The following LHFPL3 variants were observed in gnomAD, a reference collection of about 807,000 sequenced individuals.
LHFPL3 encodes the protein LHFPL tetraspan subfamily member 3, also known as LHFPL tetraspan subfamily member 3 protein.
Under a neutral mutation model 19.3 loss-of-function variants are expected in LHFPL3, and 5 were observed. The ratio of observed to expected loss-of-function variants is 0.26; its 90% CI spans 0.14 to 0.54. The LOEUF (loss-of-function observed/expected upper bound fraction) is 0.54. LHFPL3 is among the 20% of genes least tolerant of loss of function. The pLI, the probability that LHFPL3 is intolerant of heterozygous loss-of-function variation, is 0.94. For synonymous variants in LHFPL3, 133 were observed against 126.2 expected (o/e 1.05, Z -0.36); for missense variants, 249 against 307.4 (o/e 0.81, Z 1.42).
chr7:104,720,647 CA>C (rs1267503266), intron 1 of LHFPL3, among the ~76,000 whole-genome samples: 3 of 152,020 alleles, frequency 2.0e-5, no homozygotes, highest in Non-Finnish European at 2.9e-5. Flanking sequence ...ACTCATCTGA[CA>C]AAGGGCTAAT....
Position 104,640,144 on chromosome 7 carries a change from T to C in LHFPL3, c.446-96531T>C, listed in dbSNP as rs141689060. On this transcript the variant is annotated intron_variant, in intron 1 of 2. Coordinates refer to ENST00000424859, the MANE Select transcript of LHFPL3 (RefSeq NM_199000.3). ...ATTTTACTTTAAGTTCTGGGATACA[T>C]GTGCAGAATATGCAGGTTTGTTACA... Among the ~76,000 whole-genome samples the C allele has an allele frequency of 2.6e-3, 401 of 152,342 alleles. 2 individuals carry two copies. The highest frequency in any genetic ancestry group is 9.3e-3 in the African/African-American group (385 of 41,584).
chr7:104,454,803 A>G (rs1391275442), intron 1 of LHFPL3, among the ~76,000 whole-genome samples: 1 of 152,190 alleles, frequency 6.6e-6, no homozygotes, highest in Non-Finnish European at 1.5e-5. Flanking sequence ...AAAAGACAGA[A>G]GGGGCATAAT....
chr7:104,822,043 C>T (rs896051626), intron 2 of LHFPL3, among the ~76,000 whole-genome samples: 7 of 152,058 alleles, frequency 4.6e-5, no homozygotes, highest in African/African-American at 1.2e-4. Context: ...TACCAGGAAG[C>T]GGAAAGGAGG....
At chr7:104,684,262 C>T (rs773982606) in intron 1 of LHFPL3, among the ~76,000 whole-genome samples, 2 of 152,200 alleles carry the variant, frequency 1.3e-5, no homozygotes, top group Non-Finnish European at 2.9e-5. Flanking sequence ...CCTCCAATGT[C>T]CTAATCAACA....
intron 1 of LHFPL3, among the ~76,000 whole-genome samples, chr7:104,605,087 A>G (rs866552435): frequency 6.6e-6 from 1 of 152,224 alleles, no homozygotes; most frequent in Non-Finnish European, 1.5e-5. Context: ...CCAAGTATCT[A>G]TAGCTAAATA....
At chr7:104,494,572 G>A (rs1038872038) in intron 1 of LHFPL3, among the ~76,000 whole-genome samples, 2 of 151,948 alleles carry the variant, frequency 1.3e-5, no homozygotes, top group Non-Finnish European at 2.9e-5. Context: ...CCCCCAAAAC[G>A]TCAGCACTCT....
chr7:104,572,114 T>A (rs1186952899), intron 1 of LHFPL3, among the ~76,000 whole-genome samples: 2 of 152,214 alleles, frequency 1.3e-5, no homozygotes, highest in Non-Finnish European at 2.9e-5. Context: ...GAAACAAATG[T>A]ACCAGATCAA....
At chr7:104,549,643 T>C (rs1048908877) in intron 1 of LHFPL3, among the ~76,000 whole-genome samples, 19 of 152,138 alleles carry the variant, frequency 1.2e-4, no homozygotes, top group African/African-American at 4.3e-4. Flanking sequence ...AGAACAAAAA[T>C]TATAACAACT....
intron 1 of LHFPL3, among the ~76,000 whole-genome samples, chr7:104,405,956 T>A (rs17137346): frequency 2.6e-5 from 4 of 152,220 alleles, no homozygotes; most frequent in Non-Finnish European, 4.4e-5. Context: ...TTAGCAACTT[T>A]TCCTGAATTA....
At chr7:104,467,144 C>A (rs1421722931) in intron 1 of LHFPL3, among the ~76,000 whole-genome samples, 2 of 152,148 alleles carry the variant, frequency 1.3e-5, no homozygotes, top group Admixed American at 1.3e-4. Context: ...CAAGACAGGG[C>A]ATAGTCAGTG....
chr7:104,512,908 C>CT (rs1465334685), intron 1 of LHFPL3, among the ~76,000 whole-genome samples: 2 of 152,154 alleles, frequency 1.3e-5, no homozygotes, highest in East Asian at 3.9e-4. Context: ...GCTCTTTTCT[C>CT]TGTCAGTCCA....
At chr7:104,481,317 C>T (rs1013095371) in intron 1 of LHFPL3, among the ~76,000 whole-genome samples, 2 of 152,200 alleles carry the variant, frequency 1.3e-5, no homozygotes, top group African/African-American at 4.8e-5. Context: ...CCAAGCTCTT[C>T]AAGTCACTTC....
intron 1 of LHFPL3, among the ~76,000 whole-genome samples, chr7:104,430,419 CATATATATATATATAT>C (rs1457442187): frequency 8.2e-4 from 12 of 14,658 alleles, no homozygotes; most frequent in African/African-American, 2.1e-3. Flanking sequence ...TATATATATA[CATATATATATATATAT>C]ATATATATAT....
intron 2 of LHFPL3, among the ~76,000 whole-genome samples, chr7:104,806,175 C>T (rs1354176728): frequency 6.6e-6 from 1 of 152,208 alleles, no homozygotes; most frequent in Non-Finnish European, 1.5e-5. Flanking sequence ...GAAGCTCACT[C>T]ATCTTTATCT....
chr7:104,847,970 T>C (rs1791342203), intron 2 of LHFPL3, among the ~76,000 whole-genome samples: 1 of 152,192 alleles, frequency 6.6e-6, no homozygotes, highest in African/African-American at 2.4e-5. Context: ...TGATTCGAAA[T>C]CTGGTGGGAG....
chr7:104,552,972 G>T (rs1053185026), intron 1 of LHFPL3, among the ~76,000 whole-genome samples: 2 of 152,140 alleles, frequency 1.3e-5, no homozygotes, highest in African/African-American at 4.8e-5. Context: ...ATGAGGATAG[G>T]AGTGGTACAT....
chr7:104,816,346 G>A (rs1330063880), intron 2 of LHFPL3, among the ~76,000 whole-genome samples: 2 of 152,176 alleles, frequency 1.3e-5, no homozygotes, highest in African/African-American at 4.8e-5. Flanking sequence ...CCCAGGATTT[G>A]AGGCTCTGCA....
chr7:104,805,598 C>T (rs1028050229), intron 2 of LHFPL3, among the ~76,000 whole-genome samples: 9 of 152,192 alleles, frequency 5.9e-5, no homozygotes, highest in Admixed American at 2.0e-4. Context: ...CAGCTGCAGC[C>T]CCATAGAGCC....
chr7:104,611,754 C>T (rs975153365), intron 1 of LHFPL3, among the ~76,000 whole-genome samples: 9 of 152,006 alleles, frequency 5.9e-5, no homozygotes, highest in African/African-American at 2.2e-4. Flanking sequence ...GAGGAATTTA[C>T]ACAAGTTTCT....
Sources: gnomAD v4.1 joint callset for allele counts (sites outside exome capture counted in the v4.1 genomes callset) on GRCh38, gnomAD v4.1.1 for gene constraint, MANE v1.5 for transcripts, NCBI Gene and HGNC (gene_info 2026-07-23, HGNC 2026-07-21) for gene names.